LARGE1: variants seen among roughly 807,000 people sequenced by gnomAD.
LARGE1 encodes the protein LARGE xylosyl- and glucuronyltransferase 1, also known as xylosyl- and glucuronyltransferase LARGE1.
In LARGE1, 43 loss-of-function variants were observed where a neutral mutation model predicts 87.6. The observed-to-expected ratio is 0.49, with a 90% confidence interval of 0.38 to 0.63. The LOEUF is 0.63. LARGE1 is among the 30% of genes least tolerant of loss of function. The probability of loss-of-function intolerance (pLI) is 0.00; values close to 1 mark genes in which losing one functional copy is unlikely to be tolerated. For missense variants in LARGE1, 802 were observed against 1,000.2 expected, an observed-to-expected ratio of 0.80 and a Z score of 2.67; for synonymous variants, 434 against 394.6, an observed-to-expected ratio of 1.10 and a Z score of -1.18.
intron 6 of LARGE1, among the ~76,000 whole-genome samples, chr22:33,498,947 G>A (rs1268729675): frequency 6.6e-6 from 1 of 152,038 alleles, no homozygotes; most frequent in Non-Finnish European, 1.5e-5. Context: ...ACTCCAGCCT[G>A]GGGAACAGAG....
At chr22:33,308,202 G>A (rs959429860) in intron 11 of LARGE1, among the ~76,000 whole-genome samples, 2 of 152,178 alleles carry the variant, frequency 1.3e-5, no homozygotes, top group African/African-American at 4.8e-5. Flanking sequence ...CAGAAGACCA[G>A]GGCTGGAAGG....
chr22:33,886,272 C>T (rs1238551981), intron 1 of LARGE1, among the ~76,000 whole-genome samples: 1 of 152,220 alleles, frequency 6.6e-6, no homozygotes, highest in Admixed American at 6.5e-5. Flanking sequence ...GGCCCTCCAG[C>T]CGTCCTACAG....
intron 6 of LARGE1, among the ~76,000 whole-genome samples, chr22:33,507,593 C>CTTCA (rs1427801106): frequency 6.6e-6 from 1 of 152,112 alleles, no homozygotes; most frequent in African/African-American, 2.4e-5. Flanking sequence ...AGGTATAAAG[C>CTTCA]TTCAGTTCAG....
chr22:33,889,288 T>C (rs2064943163), intron 1 of LARGE1: 1 of 152,234 alleles, frequency 6.6e-6, no homozygotes, highest in African/African-American at 2.4e-5. Flanking sequence ...TCTGACAATT[T>C]TCGTGGCAAA....
intron 9 of LARGE1, among the ~76,000 whole-genome samples, chr22:33,375,044 G>C (rs2064946151): frequency 6.6e-6 from 1 of 152,106 alleles, no homozygotes; most frequent in Non-Finnish European, 1.5e-5. Flanking sequence ...AAATGTTTGA[G>C]AACTCCAATG....
chr22:33,076,176 G>A, the LARGE1 span, among the ~76,000 whole-genome samples: 7 of 152,268 alleles, frequency 4.6e-5, no homozygotes, highest in South Asian at 2.1e-4. Flanking sequence ...TATACTGTTA[G>A]GAAATAAGTC....
intron 4 of LARGE1, among the ~76,000 whole-genome samples, chr22:33,623,263 C>G (rs2079812660): frequency 6.6e-6 from 1 of 151,842 alleles, no homozygotes; most frequent in African/African-American, 2.4e-5. Context: ...TGGTTTTAAG[C>G]CACAGGATGA....
At chr22:33,629,301 G>A (rs1000541164) in intron 3 of LARGE1, among the ~76,000 whole-genome samples, 1 of 152,156 alleles carries the variant, frequency 6.6e-6, no homozygotes, top group African/African-American at 2.4e-5. Flanking sequence ...CTTCAGAATC[G>A]CAAATATTTA....
the LARGE1 span, among the ~76,000 whole-genome samples, chr22:33,121,133 G>C: frequency 6.6e-6 from 1 of 152,058 alleles, no homozygotes; most frequent in Non-Finnish European, 1.5e-5. Context: ...GTATTTGGTT[G>C]GGGGAAGGAT....
intron 5 of LARGE1, among the ~76,000 whole-genome samples, chr22:33,585,524 G>A (rs969427017): frequency 6.6e-6 from 1 of 152,124 alleles, no homozygotes; most frequent in African/African-American, 2.4e-5. Context: ...GTGCATATGA[G>A]AATAAGGTTG....
At chr22:33,510,471 C>T (rs2071002985) in intron 6 of LARGE1, among the ~76,000 whole-genome samples, 2 of 152,218 alleles carry the variant, frequency 1.3e-5, no homozygotes, top group African/African-American at 4.8e-5. Flanking sequence ...AGAGGATGTG[C>T]TAATGACTGC....
intron 1 of LARGE1, among the ~76,000 whole-genome samples, chr22:33,772,259 G>A (rs2085094287): frequency 6.6e-6 from 1 of 152,134 alleles, no homozygotes; most frequent in African/African-American, 2.4e-5. Context: ...TGTGAACGCA[G>A]GAGGCAGAGC....
At chr22:33,611,006 G>T (rs567453904) in intron 4 of LARGE1, among the ~76,000 whole-genome samples, 2 of 152,234 alleles carry the variant, frequency 1.3e-5, no homozygotes, top group Non-Finnish European at 2.9e-5. Context: ...GTGCAAGAGT[G>T]AAGGAGGCTT....
chr22:33,256,392 G>T (rs962115977), intron 11 of LARGE1, among the ~76,000 whole-genome samples: 3 of 152,206 alleles, frequency 2.0e-5, no homozygotes, highest in Non-Finnish European at 4.4e-5. Flanking sequence ...CCAGGAGTGT[G>T]AAACTTAAAC....
chr22:33,422,730 C>T (rs1410389765), intron 7 of LARGE1, among the ~76,000 whole-genome samples: 5 of 151,986 alleles, frequency 3.3e-5, no homozygotes, highest in Admixed American at 2.0e-4. Flanking sequence ...AGGCTGGTCT[C>T]GAACTCCTGA....
chr22:33,367,637 G>A (rs1194485598), intron 9 of LARGE1, among the ~76,000 whole-genome samples: 1 of 151,976 alleles, frequency 6.6e-6, no homozygotes, highest in African/African-American at 2.4e-5. Context: ...TTGTTGCTGA[G>A]GCTGGTCTTA....
intron 6 of LARGE1, among the ~76,000 whole-genome samples, chr22:33,516,231 A>C (rs1290487516): frequency 6.6e-6 from 1 of 152,100 alleles, no homozygotes; most frequent in East Asian, 1.9e-4. Flanking sequence ...AGGCGGGGAA[A>C]CAGTAAGCAC....
intron 11 of LARGE1, among the ~76,000 whole-genome samples, chr22:33,265,376 C>T (rs1305262666): frequency 1.3e-5 from 2 of 152,198 alleles, no homozygotes; most frequent in Non-Finnish European, 2.9e-5. Flanking sequence ...CTCCAGCTAT[C>T]CTTGCTGTAT....
At chr22:33,190,369 C>T (rs1438558398) in intron 11 of LARGE1, among the ~76,000 whole-genome samples, 1 of 152,192 alleles carries the variant, frequency 6.6e-6, no homozygotes. Context: ...CCACGTCCTC[C>T]TTCTCCAGCT....
Sources: gnomAD v4.1 joint callset for allele counts (sites outside exome capture counted in the v4.1 genomes callset) on GRCh38, gnomAD v4.1.1 for gene constraint, MANE v1.5 for transcripts, NCBI Gene and HGNC (gene_info 2026-07-23, HGNC 2026-07-21) for gene names.